ILDR2: variants seen among roughly 807,000 people sequenced by gnomAD.
The protein encoded by ILDR2 is immunoglobulin like domain containing receptor 2.
In ILDR2, 25 loss-of-function variants were observed where a neutral mutation model predicts 66.8. The observed-to-expected ratio is 0.37, with a 90% confidence interval of 0.27 to 0.52. ILDR2 has a LOEUF of 0.52. Among genes scored for constraint, ILDR2 ranks in the 20% least tolerant of loss-of-function variants. ILDR2 has a pLI of 0.88. For missense variants in ILDR2, 827 were observed against 876.8 expected (o/e 0.94, Z 0.72); for synonymous variants, 367 against 357.2 (o/e 1.03, Z -0.31).
rs576615625 is a variant in ILDR2, at chr1:166,957,997, G to A, written c.151C>T (p.Pro51Ser). The A allele has an allele frequency of 1.2e-6, 2 of 1,614,186 alleles. No individual in the cohort carries two copies. Among genetic ancestry groups the A allele is most frequent in the South Asian group, 1.1e-5 (1 of 91,082 alleles). Residue 51 changes from proline (P) to serine (S), a missense_variant, in exon 2 of 10, where the codon CCT (proline) becomes TCT (serine). Pro to Ser is a moderately conservative substitution (Grantham distance 74, BLOSUM62 -1). Coordinates refer to ENST00000271417, the MANE Select transcript of ILDR2 (RefSeq NM_199351.3). ...TTGAACTTCCACTGCACAACTGCAG[G>A]CTGATGGGAGGATGTTGAGAAGTGG... is the stretch of plus-strand genomic sequence containing the variant. ...RCHFSTSSHQ[P>S]AVVQWKFKSY...
At chr1:166,925,210 C>T (rs1462995526) in intron 7 of ILDR2, among the ~76,000 whole-genome samples, 1 of 152,204 alleles carries the variant, frequency 6.6e-6, no homozygotes, top group Non-Finnish European at 1.5e-5. Context: ...TGTTACTCTC[C>T]TGCCCCAACC....
At chr1:166,950,756 C>CA (rs1661930531) in intron 3 of ILDR2, among the ~76,000 whole-genome samples, 1 of 151,826 alleles carries the variant, frequency 6.6e-6, no homozygotes, top group South Asian at 2.1e-4. Context: ...CACACACACA[C>CA]ACGCCTACCC....
intron 3 of ILDR2, among the ~76,000 whole-genome samples, chr1:166,947,666 T>C (rs1047418916): frequency 2.0e-5 from 3 of 152,184 alleles, no homozygotes; most frequent in Middle Eastern, 3.4e-3. Flanking sequence ...CCAGCCCCCG[T>C]TTCCTCCCCC....
chr1:166,900,373 C>T lies in ILDR2; in HGVS notation n.172-4272G>A, dbSNP rs149449493. ...TTCCATTTCCCACTATTCTTTTGCT[C>T]TCTGATGTCTTTTCTCACAAGCATC... is the stretch of plus-strand genomic sequence containing the variant. On this transcript the variant is annotated intron_variant and non_coding_transcript_variant, in intron 2 of 2. Coordinates refer to the ILDR2 transcript ENST00000414590. 1.9e-3 allele frequency among the ~76,000 whole-genome samples: 283 copies of T among 152,242 alleles called. 2 individuals are homozygous for T. Among genetic ancestry groups the T allele is most frequent in the Admixed American group, 4.4e-3 (68 of 15,288 alleles).
chr1:166,907,131 G>T (rs1259771177), downstream of ILDR2: 1 of 152,214 alleles, frequency 6.6e-6, no homozygotes, highest in Non-Finnish European at 1.5e-5. Context: ...TATCAAAGCT[G>T]CTGGTCTCCT....
chr1:166,924,146 A>T (rs538734565), intron 7 of ILDR2, among the ~76,000 whole-genome samples: 51 of 152,368 alleles, frequency 3.3e-4, no homozygotes, highest in Non-Finnish European at 4.4e-4. Context: ...TCATGCAATC[A>T]GTTGATTTTT....
At chr1:166,947,135 T>C (rs963698639) in intron 3 of ILDR2, among the ~76,000 whole-genome samples, 1 of 152,164 alleles carries the variant, frequency 6.6e-6, no homozygotes, top group Non-Finnish European at 1.5e-5. Flanking sequence ...TATAACATGG[T>C]CGACTTGGCC....
intron 2 of ILDR2, among the ~76,000 whole-genome samples, chr1:166,903,058 C>G (rs1659287822): frequency 6.6e-6 from 1 of 152,224 alleles, no homozygotes. Context: ...CGCCCTCCAA[C>G]TGTTCTCACT....
chr1:166,957,693 A>T lies in ILDR2; in HGVS notation c.379+76T>A, dbSNP rs190912808. ...AAGGGTGAGAGGCTAGAATATCACC[A>T]TATTGACATAAGGGAAGGGAAGAAT... On this transcript the variant is annotated intron_variant, in intron 2 of 9. Transcript: ENST00000271417. 21 of 1,271,214 alleles carry T rather than the reference A, an allele frequency of 1.7e-5. No homozygotes were observed. The South Asian group carries it at 2.4e-4, about 14-fold the overall frequency. 78.7% of individuals were successfully genotyped at this position (1,271,214 alleles called of 1,614,324 possible). A position where few individuals can be genotyped will look rare whatever the true frequency, so the allele number is the denominator to read the frequency against.
At chr1:166,964,368 T>A (rs1451594926) in intron 1 of ILDR2, among the ~76,000 whole-genome samples, 3 of 152,174 alleles carry the variant, frequency 2.0e-5, no homozygotes, top group Admixed American at 6.5e-5. Context: ...CAAAACAGAT[T>A]TAAAAGACCA....
intron 3 of ILDR2, among the ~76,000 whole-genome samples, chr1:166,940,667 G>A (rs1661259952): frequency 6.6e-6 from 1 of 152,108 alleles, no homozygotes; most frequent in African/African-American, 2.4e-5. Context: ...AAGAAACAAA[G>A]GAAATTAATG....
chr1:166,939,941 C>G (rs1305889444), intron 3 of ILDR2, among the ~76,000 whole-genome samples: 1 of 152,202 alleles, frequency 6.6e-6, no homozygotes, highest in East Asian at 1.9e-4. Context: ...AATGTTCAAT[C>G]TACATTTTCA....
rs984853042 is a variant in ILDR2, at chr1:166,957,846, C to T, written c.302G>A (p.Arg101Gln). 4.3e-6 allele frequency: 7 copies of T among 1,614,046 alleles called. No homozygotes were observed. Among genetic ancestry groups the T allele is most frequent in the Admixed American group, 1.7e-5 (1 of 60,006 alleles). The change falls in exon 2 of 10, where the codon CGA becomes CAA. Residue 101 changes from arginine to glutamine, a missense_variant. This residue lies in a region of ILDR2 where 437 missense variants were observed against 523.2 expected (regional missense o/e 0.84). Transcript: ENST00000271417. ...CGAGCCCTGTTTTGAAGCTACTACTCGAACAGTCCTCCTGCTGTCCAAACA... is the reference window on the plus strand; with the variant it reads ...CGAGCCCTGTTTTGAAGCTACTACTTGAACAGTCCTCCTGCTGTCCAAACA... ...LDCLDSRRTV[R>Q]VVASKQGSTV... is the part of the protein sequence containing the mutation.
downstream of ILDR2, among the ~76,000 whole-genome samples, chr1:166,905,770 T>C (rs1659334904): frequency 6.6e-6 from 1 of 152,190 alleles, no homozygotes; most frequent in Non-Finnish European, 1.5e-5. Context: ...TAGCTACAAA[T>C]AAATCATCAG....
chr1:166,951,366 G>A (rs1357887865), intron 3 of ILDR2, among the ~76,000 whole-genome samples: 1 of 152,194 alleles, frequency 6.6e-6, no homozygotes, highest in Non-Finnish European at 1.5e-5. Context: ...TGAGGAGACA[G>A]AGATTCTTTA....
At chr1:166,968,370 C>G (rs938409600) in intron 1 of ILDR2, among the ~76,000 whole-genome samples, 1 of 152,110 alleles carries the variant, frequency 6.6e-6, no homozygotes, top group Non-Finnish European at 1.5e-5. Context: ...CCTCTAGAAG[C>G]TTCTTCCTGT....
At chr1:166,971,894 G>C (rs1203727121) in intron 1 of ILDR2, among the ~76,000 whole-genome samples, 2 of 152,114 alleles carry the variant, frequency 1.3e-5, no homozygotes, top group Non-Finnish European at 2.9e-5. Context: ...TTGTAGAATA[G>C]ACAAACAAGT....
Position 166,936,592 on chromosome 1 carries a change from G to A in ILDR2, c.702C>T (p.Ala234=). The change falls in exon 5 of 10, where the codon GCC becomes GCT. Residue 234 remains alanine (A), a splice_region_variant and synonymous_variant. Transcript: ENST00000271417. This position sits in a 1 kb window ranked among gnomAD's most constrained non-coding sequence, Gnocchi z 5.0. ...CCPDSCCCPQ[A]LYEAGKAAKA... The stretch of plus-strand genomic sequence containing the variant: ...CTCCCCAGCGGTCACTGTACTCACA[G>A]GCTTGAGGGCAGCAGCAGGAATCTG... 5 of 1,614,096 alleles carry A rather than the reference G, an allele frequency of 3.1e-6. No homozygotes were observed. Among genetic ancestry groups the A allele is most frequent in the Non-Finnish European group, 4.2e-6 (5 of 1,180,010 alleles).
chr1:166,923,270 TCCTAAGATGGA>T lies in ILDR2; in HGVS notation c.995-472_995-462del, dbSNP rs1475843498. Among the ~76,000 whole-genome samples the T allele has an allele frequency of 4.6e-5, 7 of 152,194 alleles. No individual in the cohort carries two copies. In the East Asian group the frequency reaches 1.3e-3, roughly 29 times the overall value. ...AGCATCTTCCTTACTGCTGGCCCAG[TCCTAAGATGGA>T]CCTTCAGAGCCAGTACTGCCATATG... On this transcript the variant is annotated intron_variant, in intron 7 of 9. Coordinates refer to ENST00000271417, the MANE Select transcript of ILDR2 (RefSeq NM_199351.3).
Sources: gnomAD v4.1 joint callset for allele counts (sites outside exome capture counted in the v4.1 genomes callset) on GRCh38, gnomAD v4.1.1 for gene constraint, gnomAD v4.1.1 regional missense constraint, Gnocchi (gnomAD v3.1) non-coding constraint, MANE v1.5 for transcripts, NCBI Gene and HGNC (gene_info 2026-07-23, HGNC 2026-07-21) for gene names.